SRCIN1: variants seen among roughly 807,000 people sequenced by gnomAD.
The protein encoded by SRCIN1 is P130Cas-associated protein.
SRCIN1 carries 50 observed loss-of-function variants against 116.2 expected under a neutral mutation model. The ratio of observed to expected loss-of-function variants is 0.43; its 90% CI spans 0.34 to 0.54. The LOEUF (loss-of-function observed/expected upper bound fraction) is 0.54, where lower values mean the gene tolerates loss of function less well. Ranked by LOEUF, SRCIN1 falls within the 20% of genes least tolerant of loss-of-function variation. The pLI, the probability that SRCIN1 is intolerant of heterozygous loss-of-function variation, is 0.02. For synonymous variants in SRCIN1, 736 were observed against 750.0 expected, an observed-to-expected ratio of 0.98 and a Z score of 0.30; for missense variants, 1,446 against 1,672.0, an observed-to-expected ratio of 0.86 and a Z score of 2.36.
chr17:38,535,242 C>CT (rs1461496096), intron 18 of SRCIN1, among the ~76,000 whole-genome samples: 2 of 118,020 alleles, frequency 1.7e-5, no homozygotes, highest in African/African-American at 3.4e-5. Flanking sequence ...GACTTTTGCT[C>CT]TTGTTGTCCA....
At chr17:38,603,473 C>G (rs1004240236) in intron 1 of SRCIN1, among the ~76,000 whole-genome samples, 3 of 152,088 alleles carry the variant, frequency 2.0e-5, no homozygotes, top group Admixed American at 6.5e-5. Context: ...CAGCACTCCC[C>G]GAGGACCACA....
intron 18 of SRCIN1, among the ~76,000 whole-genome samples, 186 bp downstream of exon 18, chr17:38,543,637 C>T (rs1252624983): frequency 2.7e-5 from 4 of 149,234 alleles, no homozygotes; most frequent in Admixed American, 6.7e-5. Flanking sequence ...TCCAAAGCTC[C>T]GGGATCGGGA....
intron 2 of SRCIN1, among the ~76,000 whole-genome samples, chr17:38,570,471 G>A (rs182515591): frequency 6.8e-4 from 103 of 152,294 alleles, no homozygotes; most frequent in African/African-American, 8.7e-4. Context: ...AGCCACCTAC[G>A]TACAAAGAGA....
intron 1 of SRCIN1, among the ~76,000 whole-genome samples, chr17:38,589,607 G>A (rs535568055): frequency 2.0e-5 from 3 of 152,314 alleles, no homozygotes; most frequent in African/African-American, 7.2e-5. Flanking sequence ...ATGTTCATGA[G>A]TGAGACCCTC....
chr17:38,576,518 C>T (rs768035788), intron 2 of SRCIN1, among the ~76,000 whole-genome samples: 34 of 152,078 alleles, frequency 2.2e-4, no homozygotes, highest in East Asian at 9.6e-4. Context: ...ATGGCCACTC[C>T]GCATCCCAGG....
intron 10 of SRCIN1, 31 bp downstream of exon 10, chr17:38,559,554 T>G: frequency 6.3e-7 from 1 of 1,586,480 alleles, no homozygotes; most frequent in Non-Finnish European, 8.5e-7. Context: ...AGGTGGGCGT[T>G]GGTGGGGCGG....
chr17:38,582,218 C>T (rs1468302628), intron 1 of SRCIN1, among the ~76,000 whole-genome samples: 5 of 152,138 alleles, frequency 3.3e-5, no homozygotes, highest in Non-Finnish European at 7.4e-5. Flanking sequence ...CCCTCTCTTA[C>T]CCCCTCCTCA....
chr17:38,604,238 CA>C lies in SRCIN1; in HGVS notation c.22+1445del, dbSNP rs766469862. On this transcript the variant is annotated intron_variant, in intron 1 of 18. Coordinates refer to ENST00000617146, the MANE Select transcript of SRCIN1 (RefSeq NM_025248.3). This position sits in a 1 kb window ranked among gnomAD's most constrained non-coding sequence, Gnocchi z 4.3. ...CCACCCAAAGGAACATTCAGGCCCA[CA>C]AACCTGGAAGTCTGGTCAGCTTCCC... 3.3e-5 allele frequency among the ~76,000 whole-genome samples: 5 copies of C among 152,284 alleles called. No homozygotes were observed. The highest frequency in any genetic ancestry group is 3.4e-3 in the Middle Eastern group (1 of 294).
chr17:38,546,915 A>AG (rs11311824), intron 17 of SRCIN1, among the ~76,000 whole-genome samples: 92,546 of 151,648 alleles, frequency 0.61, 29,537 homozygotes, highest in African/African-American at 0.81. Flanking sequence ...TCCAGAGCGG[A>AG]GCCCCCCTGC....
chr17:38,570,429 G>A (rs1291698964), intron 2 of SRCIN1, among the ~76,000 whole-genome samples: 4 of 152,112 alleles, frequency 2.6e-5, no homozygotes, highest in African/African-American at 4.8e-5. Flanking sequence ...CACACACCCC[G>A]GCTATTGAAA....
At chr17:38,576,681 C>T (rs1284895265) in intron 2 of SRCIN1, among the ~76,000 whole-genome samples, 1 of 152,006 alleles carries the variant, frequency 6.6e-6, no homozygotes, top group Non-Finnish European at 1.5e-5. Flanking sequence ...TCTCCCTCAC[C>T]CCCAAACATT....
intron 1 of SRCIN1, among the ~76,000 whole-genome samples, chr17:38,591,235 C>G (rs769880600): frequency 6.6e-6 from 1 of 152,186 alleles, no homozygotes; most frequent in Non-Finnish European, 1.5e-5. Flanking sequence ...TCCAAAGCAC[C>G]AATCATCTTG....
chr17:38,605,748 T>C lies in SRCIN1; in HGVS notation c.-43A>G, dbSNP rs1909324520. 1.5e-5 allele frequency: 16 copies of C among 1,037,010 alleles called. No individual in the cohort carries two copies. The highest frequency in any genetic ancestry group is 1.8e-5 in the Non-Finnish European group (15 of 837,218). 64.2% of individuals were successfully genotyped at this position (1,037,010 alleles called of 1,614,324 possible). On this transcript the variant is annotated 5_prime_UTR_variant, in exon 1 of 19. Transcript: ENST00000617146. Reference sequence around the variant, plus strand: ...GGCGGGGGCCCCGGGCCGGCCTGCCTGGCGCTCGCCCTCTCGCCGCCTCGC... The same window carrying C: ...GGCGGGGGCCCCGGGCCGGCCTGCCCGGCGCTCGCCCTCTCGCCGCCTCGC...
At chr17:38,573,132 C>G (rs1415913742) in intron 2 of SRCIN1, among the ~76,000 whole-genome samples, 2 of 152,208 alleles carry the variant, frequency 1.3e-5, no homozygotes, top group Non-Finnish European at 2.9e-5. Context: ...TCCCAGGATC[C>G]TCTTCACTGC....
chr17:38,565,395 T>C (rs1234325836), intron 3 of SRCIN1, among the ~76,000 whole-genome samples: 1 of 152,246 alleles, frequency 6.6e-6, no homozygotes, highest in Non-Finnish European at 1.5e-5. Context: ...GAAATAATCA[T>C]GTTGCCCAAT....
At position 38,551,894 on chromosome 17, in the gene SRCIN1, A is replaced by G. The variant is rs753155993; in HGVS notation, c.2719T>C (p.Ser907Pro). 3.1e-6 allele frequency: 5 copies of G among 1,613,898 alleles called. No homozygotes were observed. Among genetic ancestry groups the G allele is most frequent in the Non-Finnish European group, 4.2e-6 (5 of 1,179,906 alleles). ...PGKRSVDKAVSVEAAERDWEE... is the reference protein window; with the variant it reads ...PGKRSVDKAVPVEAAERDWEE... ...ATCCCTGGCCCCAGCACCTCAACAG[A>G]CACAGCTTTGTCCACGCTTCTCTTG... Residue 907 changes from serine (S) to proline (P), a missense_variant, in exon 14 of 19, where the codon TCT (serine) becomes CCT (proline). This residue lies in a region of SRCIN1 where 531 missense variants were observed against 633.9 expected (regional missense o/e 0.84). Coordinates refer to ENST00000617146, the MANE Select transcript of SRCIN1 (RefSeq NM_025248.3).
intron 17 of SRCIN1, chr17:38,547,730 G>T: frequency 6.2e-6 from 2 of 322,842 alleles, no homozygotes; most frequent in South Asian, 4.6e-5. Flanking sequence ...CAGAGAGAGA[G>T]CTGTGAGAAG....
intron 1 of SRCIN1, among the ~76,000 whole-genome samples, chr17:38,592,606 C>A (rs1597933769): frequency 6.6e-6 from 1 of 152,216 alleles, no homozygotes; most frequent in African/African-American, 2.4e-5. Context: ...TCCCCAATGG[C>A]AAAATGGAAA....
intron 18 of SRCIN1, among the ~76,000 whole-genome samples, chr17:38,535,455 C>T (rs925397647): frequency 7.9e-5 from 12 of 152,142 alleles, no homozygotes; most frequent in Non-Finnish European, 5.9e-5. Context: ...GATCTGCCCA[C>T]CTCGGCCTCC....
Sources: allele counts gnomAD v4.1 joint callset (sites outside exome capture counted in the v4.1 genomes callset), GRCh38; gene constraint gnomAD v4.1.1; regional missense constraint gnomAD v4.1.1; non-coding constraint Gnocchi (gnomAD v3.1); transcripts MANE v1.5; gene names NCBI Gene and HGNC (gene_info 2026-07-23, HGNC 2026-07-21).